The following CDH12 variants were observed in gnomAD, a reference collection of about 807,000 sequenced individuals.
CDH12 encodes the protein cadherin 12.
In CDH12, 41 loss-of-function variants were observed where a neutral mutation model predicts 74.1. That is an observed-to-expected ratio of 0.55 (90% CI 0.43 to 0.72). The LOEUF (loss-of-function observed/expected upper bound fraction) is 0.72. Ranked by LOEUF, CDH12 falls within the 30% of genes least tolerant of loss-of-function variation. CDH12 has a pLI of 0.00. For missense variants in CDH12, 945 were observed against 977.2 expected, an observed-to-expected ratio of 0.97 and a Z score of 0.44; for synonymous variants, 399 against 355.0, an observed-to-expected ratio of 1.12 and a Z score of -1.39.
intron 5 of CDH12, among the ~76,000 whole-genome samples, chr5:22,059,740 A>G (rs1741054343): frequency 6.6e-6 from 1 of 152,178 alleles, no homozygotes; most frequent in African/African-American, 2.4e-5. Context: ...TCAAAATTCA[A>G]TAGCCCTGAA....
intron 6 of CDH12, among the ~76,000 whole-genome samples, chr5:21,945,174 C>T (rs915177953): frequency 5.9e-5 from 9 of 151,972 alleles, no homozygotes; most frequent in African/African-American, 2.2e-4. Flanking sequence ...CCTGTAATCC[C>T]AGCACTGTGG....
chr5:22,421,775 A>C (rs1743663633), intron 2 of CDH12, among the ~76,000 whole-genome samples: 1 of 152,152 alleles, frequency 6.6e-6, no homozygotes, highest in African/African-American at 2.4e-5. Context: ...TGTCTTCCAC[A>C]ATGGTTGAAC....
intron 1 of CDH12, among the ~76,000 whole-genome samples, chr5:22,785,686 T>A (rs1390833269): frequency 2.6e-5 from 4 of 152,014 alleles, no homozygotes; most frequent in Non-Finnish European, 4.4e-5. Flanking sequence ...CCTGGCTAAT[T>A]TTTGCACCTT....
At chr5:21,817,168 G>A (rs776674900) in intron 8 of CDH12, 36 bp from the exon 9 acceptor site, 1 of 1,399,432 alleles carries the variant, frequency 7.1e-7, no homozygotes, top group East Asian at 2.3e-5. Flanking sequence ...TGACAGTGGG[G>A]TTAGTAAGAG....
chr5:22,114,602 A>G (rs1744987115), intron 4 of CDH12, among the ~76,000 whole-genome samples: 1 of 152,162 alleles, frequency 6.6e-6, no homozygotes, highest in South Asian at 2.1e-4. Flanking sequence ...ACTGCTGCAC[A>G]TGTGTTATTT....
intron 2 of CDH12, among the ~76,000 whole-genome samples, chr5:22,424,023 A>AG (rs1743781644): frequency 6.8e-6 from 1 of 147,770 alleles, no homozygotes; most frequent in African/African-American, 2.5e-5. Flanking sequence ...AAAAAAAAAA[A>AG]AAAAGAAAAG....
At chr5:21,779,677 A>G (rs1745800469) in intron 11 of CDH12, among the ~76,000 whole-genome samples, 1 of 152,176 alleles carries the variant, frequency 6.6e-6, no homozygotes, top group Non-Finnish European at 1.5e-5. Flanking sequence ...CAGAGCCAAA[A>G]CATATGCTAG....
intron 3 of CDH12, among the ~76,000 whole-genome samples, chr5:22,350,151 T>G (rs1238195093): frequency 6.6e-6 from 1 of 152,196 alleles, no homozygotes; most frequent in Non-Finnish European, 1.5e-5. Flanking sequence ...GAGAAAAGAC[T>G]AAGCTCTATG....
intron 1 of CDH12, among the ~76,000 whole-genome samples, chr5:22,794,574 A>T (rs1314029483): frequency 6.6e-6 from 1 of 152,154 alleles, no homozygotes; most frequent in African/African-American, 2.4e-5. Flanking sequence ...CTGTTATTTT[A>T]TTTCGTTTTA....
chr5:22,788,258 T>A (rs1747738369), intron 1 of CDH12, among the ~76,000 whole-genome samples: 1 of 152,170 alleles, frequency 6.6e-6, no homozygotes, highest in Non-Finnish European at 1.5e-5. Context: ...TAAAAGCAGT[T>A]GTTACCTTCT....
intron 6 of CDH12, among the ~76,000 whole-genome samples, chr5:21,953,251 T>C (rs1351208351): frequency 2.0e-5 from 3 of 152,126 alleles, no homozygotes; most frequent in Non-Finnish European, 4.4e-5. Context: ...AGCATAACTC[T>C]CTCAACCAAT....
rs571341639 is a variant in CDH12, at chr5:22,337,008, T to C, written c.-333+68249A>G. ...ACAGGGTTGGAGCTACCCAAGACTA[T>C]GGGAACCTACCTCTTGCATAAGTGT... is the stretch of plus-strand genomic sequence containing the variant. On this transcript the variant is annotated intron_variant, in intron 3 of 14. Coordinates refer to ENST00000382254, the MANE Select transcript of CDH12 (RefSeq NM_004061.5). Among the ~76,000 whole-genome samples the C allele has an allele frequency of 2.6e-3, 399 of 152,288 alleles. 2 individuals are homozygous for C. Among genetic ancestry groups the C allele is most frequent in the African/African-American group, 9.4e-3 (391 of 41,576 alleles).
intron 1 of CDH12, among the ~76,000 whole-genome samples, chr5:22,827,423 A>G (rs1446391185): frequency 6.6e-6 from 1 of 152,226 alleles, no homozygotes; most frequent in African/African-American, 2.4e-5. Context: ...ATAAAGAAAC[A>G]TTTATAAGAC....
intron 1 of CDH12, among the ~76,000 whole-genome samples, chr5:22,812,294 A>G (rs564926478): frequency 1.3e-5 from 2 of 152,228 alleles, no homozygotes; most frequent in East Asian, 3.9e-4. Context: ...ATGGGAATAT[A>G]TATTTTTTGA....
chr5:21,949,229 T>A (rs577979811), intron 6 of CDH12, among the ~76,000 whole-genome samples: 1 of 152,050 alleles, frequency 6.6e-6, no homozygotes, highest in Non-Finnish European at 1.5e-5. Context: ...GGCGGGCAGA[T>A]CACGAGGTCA....
At chr5:22,731,343 G>A (rs553117609) in intron 1 of CDH12, among the ~76,000 whole-genome samples, 13 of 151,932 alleles carry the variant, frequency 8.6e-5, no homozygotes, top group Admixed American at 2.6e-4. Context: ...AACTATGGAT[G>A]TTATGGATTA....
intron 1 of CDH12, among the ~76,000 whole-genome samples, chr5:22,784,275 A>G (rs990854742): frequency 3.9e-5 from 6 of 152,096 alleles, no homozygotes; most frequent in African/African-American, 9.7e-5. Context: ...TGATTTAGTT[A>G]CAATGTATAG....
At chr5:22,645,456 T>C (rs549057390) in intron 1 of CDH12, among the ~76,000 whole-genome samples, 1 of 151,842 alleles carries the variant, frequency 6.6e-6, no homozygotes, top group Non-Finnish European at 1.5e-5. Flanking sequence ...AGATAAAGAG[T>C]TGCTTTTTAT....
intron 6 of CDH12, among the ~76,000 whole-genome samples, chr5:21,970,981 GA>G (rs1223497075): frequency 1.3e-5 from 2 of 148,270 alleles, no homozygotes; most frequent in East Asian, 2.1e-4. Context: ...AGAGTTGAGA[GA>G]AAAAAAGAAA....
Sources: gnomAD v4.1 joint callset for allele counts (sites outside exome capture counted in the v4.1 genomes callset) on GRCh38, gnomAD v4.1.1 for gene constraint, MANE v1.5 for transcripts, NCBI Gene and HGNC (gene_info 2026-07-23, HGNC 2026-07-21) for gene names.